The following FMO3 variants were observed in gnomAD, a reference collection of about 807,000 sequenced individuals.
FMO3 encodes the protein flavin-containing monooxygenase 3.
A neutral mutation model predicts 39.4 loss-of-function variants in FMO3; 40 were observed. The observed-to-expected ratio is 1.02, with a 90% CI of 0.79 to 1.32. The LOEUF is 1.32. FMO3 is among the 40% of genes most tolerant of loss of function. FMO3 has a pLI of 0.00. For synonymous variants in FMO3, 219 were observed against 228.8 expected, an observed-to-expected ratio of 0.96 and a Z score of 0.39; for missense variants, 680 against 651.8, an observed-to-expected ratio of 1.04 and a Z score of -0.47.
At chr1:171,096,221 A>C (rs1655033497) in intron 2 of FMO3, among the ~76,000 whole-genome samples, 1 of 56,970 alleles carries the variant, frequency 1.8e-5, no homozygotes, top group South Asian at 6.3e-4. Flanking sequence ...TTTATATATA[A>C]ATACATAAAA....
In FMO3 at chr1:171,091,916, A is replaced by ACT. The variant is rs1174229444; in HGVS notation, c.-6-736_-6-735dup. Among the ~76,000 whole-genome samples the ACT allele has an allele frequency of 1.0e-3, 157 of 151,298 alleles. 1 individual carries two copies. In the East Asian group the frequency reaches 0.028, roughly 27 times the overall value. On this transcript the variant is annotated intron_variant, in intron 1 of 8. Transcript: ENST00000367755. ...GCGTGTGTGTGTGTGTGTGTGTATG[A>ACT]CTGTGTGTGTGTATACATATACATA...
chr1:171,104,602 CA>C (rs1263582065), intron 3 of FMO3, among the ~76,000 whole-genome samples: 1 of 152,006 alleles, frequency 6.6e-6, no homozygotes, highest in African/African-American at 2.4e-5. Context: ...GAGCCAAGTG[CA>C]ATGGCCCATC....
chr1:171,096,030 A>AATATATAATATATATTATATAT (rs1557932978), intron 2 of FMO3, among the ~76,000 whole-genome samples: 3 of 60,004 alleles, frequency 5.0e-5, no homozygotes, highest in Non-Finnish European at 8.3e-5. Flanking sequence ...ATATTAATAT[A>AATATATAATATATATTATATAT]TAATATATAT....
At chr1:171,095,894 TA>T (rs1190852165) in intron 2 of FMO3, among the ~76,000 whole-genome samples, 7 of 54,256 alleles carry the variant, frequency 1.3e-4, no homozygotes, top group East Asian at 5.5e-4. Flanking sequence ...ATATTATATA[TA>T]ATTATAATAT....
chr1:171,101,858 G>T (rs1655410034), intron 2 of FMO3: 1 of 410,536 alleles, frequency 2.4e-6, no homozygotes, highest in Admixed American at 3.1e-5. Context: ...ATGAATTTTT[G>T]CATGAAGTTT....
In FMO3 at chr1:171,114,214, C is replaced by T; in HGVS notation, c.1035C>T (p.Ser345=). 6.2e-7 allele frequency: 1 copy of T among 1,613,950 alleles called. No homozygotes were observed. Among genetic ancestry groups the T allele is most frequent in the African/African-American group, 1.3e-5 (1 of 75,028 alleles). Residue 345 remains serine (S), a synonymous_variant, in exon 7 of 9, where the codon AGC becomes AGT. Transcript: ENST00000367755. ...YPFLDESIIK[S]RNNEIILFKG... is the part of the protein sequence containing the mutation. Reference sequence around the variant, plus strand: ...TCCTTGATGAGTCTATCATCAAAAGCAGAAACAATGAGATCATTTTATTTA... The same window carrying T: ...TCCTTGATGAGTCTATCATCAAAAGTAGAAACAATGAGATCATTTTATTTA...
intron 5 of FMO3, among the ~76,000 whole-genome samples, chr1:171,109,620 C>T (rs915747045): frequency 2.1e-5 from 3 of 142,386 alleles, no homozygotes; most frequent in Middle Eastern, 3.5e-3. Flanking sequence ...CTGCAACCTC[C>T]GTCTCCCAGG....
intron 2 of FMO3, among the ~76,000 whole-genome samples, chr1:171,097,848 A>G (rs1299422119): frequency 2.0e-5 from 3 of 152,066 alleles, no homozygotes; most frequent in East Asian, 1.9e-4. Flanking sequence ...TTGGTATTTT[A>G]GACATGAAGT....
At chr1:171,111,604 A>T (rs974789081) in intron 6 of FMO3, among the ~76,000 whole-genome samples, 1 of 152,056 alleles carries the variant, frequency 6.6e-6, no homozygotes, top group South Asian at 2.1e-4. Flanking sequence ...CACTAAACAC[A>T]TACTTACCAA....
intron 1 of FMO3, among the ~76,000 whole-genome samples, chr1:171,091,517 G>A (rs1006508100): frequency 2.0e-5 from 3 of 152,062 alleles, no homozygotes; most frequent in East Asian, 1.9e-4. Flanking sequence ...GTTAGGAAAC[G>A]TAATTTTCTT....
chr1:171,107,995 C>T, intron 4 of FMO3, 84 bp from the exon 5 acceptor site: 1 of 1,436,674 alleles, frequency 7.0e-7, no homozygotes, highest in Non-Finnish European at 9.8e-7. Flanking sequence ...ATTGTGACTG[C>T]ATCTATTCAC....
At chr1:171,099,759 C>CTTTTTTTTTTTTTTTTTTTTTTTTTTTTT (rs747274398) in intron 2 of FMO3, 2 of 117,610 alleles carry the variant, frequency 1.7e-5, no homozygotes, top group Admixed American at 9.3e-5. Flanking sequence ...CCATGTCTTT[C>CTTTTTTTTTTTTTTTTTTTTTTTTTTTTT]TTTTTTTTTT....
At chr1:171,110,447 C>A (rs1655854148) in intron 5 of FMO3, among the ~76,000 whole-genome samples, 1 of 152,128 alleles carries the variant, frequency 6.6e-6, no homozygotes, top group Admixed American at 6.5e-5. Context: ...TATTTGGGAA[C>A]ACTCTCAGGA....
intron 5 of FMO3, among the ~76,000 whole-genome samples, chr1:171,109,801 C>G (rs1039887909): frequency 1.3e-5 from 2 of 151,984 alleles, no homozygotes; most frequent in Non-Finnish European, 2.9e-5. Context: ...CTAGGCCTCC[C>G]AAAATTCTGG....
At chr1:171,103,177 G>A (rs1983550) in intron 2 of FMO3, among the ~76,000 whole-genome samples, 8,747 of 152,088 alleles carry the variant, frequency 0.058, 556 homozygotes, top group East Asian at 0.21. Context: ...ATGGTTCAAG[G>A]GAATGAAAGG....
At position 171,110,958 on chromosome 1, in the gene FMO3, G is replaced by T; in HGVS notation, c.788G>T (p.Arg263Ile). Residue 263 changes from arginine (R) to isoleucine (I), a missense_variant, in exon 6 of 9, where the codon AGA becomes ATA. Coordinates refer to ENST00000367755, the MANE Select transcript of FMO3 (RefSeq NM_001002294.3). ...DWLYVKQMNA[R>I]FKHENYGLMP... ...TTGTACGTGAAGCAGATGAATGCAA[G>T]ATTCAAGCATGAAAACTATGGCTTG... is the stretch of plus-strand genomic sequence containing the variant. 1.2e-6 allele frequency: 2 copies of T among 1,613,944 alleles called. No individual in the cohort carries two copies. Among genetic ancestry groups the T allele is most frequent in the Non-Finnish European group, 1.7e-6 (2 of 1,179,912 alleles).
chr1:171,117,235 C>T lies in FMO3; in HGVS notation c.1392C>T (p.Gly464=), dbSNP rs569103242. 1 of 1,614,160 alleles carries T rather than the reference C, an allele frequency of 6.2e-7. No homozygotes were observed. Among genetic ancestry groups the T allele is most frequent in the African/African-American group, 1.3e-5 (1 of 75,058 alleles). The change falls in exon 9 of 9, where the codon GGC becomes GGT. Residue 464 remains glycine, a synonymous_variant. Coordinates refer to ENST00000367755, the MANE Select transcript of FMO3 (RefSeq NM_001002294.3). ...DPKLAMEVYF[G]PCSPYQFRLV... is the part of the protein sequence containing the mutation. ...AATTGGCCATGGAAGTTTATTTTGG[C>T]CCTTGTAGTCCCTACCAGTTTAGGC...
intron 5 of FMO3, among the ~76,000 whole-genome samples, chr1:171,108,561 A>C (rs973279987): frequency 4.6e-5 from 7 of 152,204 alleles, no homozygotes; most frequent in Non-Finnish European, 1.0e-4. Context: ...TCTCTGAGGC[A>C]GGTTTCTCAA....
chr1:171,108,328 T>C, intron 5 of FMO3, 107 bp downstream of exon 5: 2 of 1,340,580 alleles, frequency 1.5e-6, no homozygotes, highest in South Asian at 2.5e-5. Flanking sequence ...GTATCTGATG[T>C]AAAGACTAAG....
Sources: allele counts gnomAD v4.1 joint callset (sites outside exome capture counted in the v4.1 genomes callset), GRCh38; gene constraint gnomAD v4.1.1; transcripts MANE v1.5; gene names NCBI Gene and HGNC (gene_info 2026-07-23, HGNC 2026-07-21).